GALNT13: variants seen among roughly 807,000 people sequenced by gnomAD.
The protein encoded by GALNT13 is UDP-GalNAc:polypeptide N-acetylgalactosaminyltransferase 13.
A neutral mutation model predicts 64.2 loss-of-function variants in GALNT13; 28 were observed. That is an observed-to-expected ratio of 0.44 (90% CI 0.32 to 0.60). The LOEUF (loss-of-function observed/expected upper bound fraction) is 0.60. Ranked by LOEUF, GALNT13 falls within the 20% of genes least tolerant of loss-of-function variation. GALNT13 has a pLI of 0.05. For synonymous variants in GALNT13, 214 were observed against 224.6 expected (o/e 0.95, Z 0.42); for missense variants, 577 against 669.8 (o/e 0.86, Z 1.53).
intron 11 of GALNT13, among the ~76,000 whole-genome samples, chr2:154,434,968 C>A (rs995121103): frequency 1.3e-5 from 2 of 152,156 alleles, no homozygotes; most frequent in Admixed American, 1.3e-4. Context: ...TTAATGTTAA[C>A]TTTCTCCCTG....
the GALNT13 span, among the ~76,000 whole-genome samples, chr2:153,205,080 A>G: frequency 1.3e-5 from 2 of 152,126 alleles, no homozygotes; most frequent in Non-Finnish European, 2.9e-5. Context: ...TCTGAAGGGA[A>G]CATGATACTC....
At chr2:153,982,783 ATAAAT>A (rs1694552749) in intron 3 of GALNT13, among the ~76,000 whole-genome samples, 1 of 152,052 alleles carries the variant, frequency 6.6e-6, no homozygotes, top group South Asian at 2.1e-4. Context: ...AAATTATCAA[ATAAAT>A]TTAATTTTAT....
the GALNT13 span, among the ~76,000 whole-genome samples, chr2:153,701,845 G>T: frequency 4.6e-5 from 7 of 152,180 alleles, no homozygotes; most frequent in Non-Finnish European, 1.0e-4. Flanking sequence ...TGCTGGTGAG[G>T]TTGTGGAGAA....
chr2:153,876,891 T>G (rs1281034788), intron 1 of GALNT13, among the ~76,000 whole-genome samples: 1 of 152,160 alleles, frequency 6.6e-6, no homozygotes, highest in African/African-American at 2.4e-5. Context: ...ATGCTTTTCC[T>G]TTAAGGGCTC....
At chr2:153,306,298 G>A in the GALNT13 span, among the ~76,000 whole-genome samples, 1 of 152,182 alleles carries the variant, frequency 6.6e-6, no homozygotes, top group Non-Finnish European at 1.5e-5. Flanking sequence ...GTTGAAAAAA[G>A]GTGAACTAAC....
chr2:153,628,184 T>C, the GALNT13 span, among the ~76,000 whole-genome samples: 1 of 151,968 alleles, frequency 6.6e-6, no homozygotes, highest in East Asian at 1.9e-4. Context: ...GTGATTTTTG[T>C]ACATTGATTT....
At chr2:154,169,027 AAG>A (rs920749368) in intron 4 of GALNT13, among the ~76,000 whole-genome samples, 10 of 151,938 alleles carry the variant, frequency 6.6e-5, no homozygotes, top group Admixed American at 5.9e-4. Context: ...CAGAAAAGAC[AAG>A]AGAGAGAGAC....
the GALNT13 span, among the ~76,000 whole-genome samples, chr2:153,311,127 A>G: frequency 1.3e-5 from 2 of 152,224 alleles, no homozygotes; most frequent in Admixed American, 6.5e-5. Context: ...AATTTTAAAC[A>G]ATGTAATTTT....
chr2:154,262,899 TG>T (rs1289012741), intron 8 of GALNT13, among the ~76,000 whole-genome samples: 1 of 152,122 alleles, frequency 6.6e-6, no homozygotes, highest in African/African-American at 2.4e-5. Flanking sequence ...AAGAAAATTA[TG>T]AATTACCATC....
At chr2:154,151,978 GT>G (rs1684059323) in intron 4 of GALNT13, among the ~76,000 whole-genome samples, 1 of 152,098 alleles carries the variant, frequency 6.6e-6, no homozygotes, top group African/African-American at 2.4e-5. Context: ...TCATTTTGAT[GT>G]TAGCTGGTTA....
the GALNT13 span, among the ~76,000 whole-genome samples, chr2:153,260,832 A>G: frequency 6.6e-6 from 1 of 152,038 alleles, no homozygotes; most frequent in African/African-American, 2.4e-5. Flanking sequence ...TAGCTCTTGG[A>G]TTTGCCCTTT....
the GALNT13 span, among the ~76,000 whole-genome samples, chr2:153,148,828 T>C: frequency 1.3e-5 from 2 of 151,834 alleles, no homozygotes; most frequent in Non-Finnish European, 2.9e-5. Flanking sequence ...CAAAATAATA[T>C]AAAAGCAAAC....
At chr2:154,279,830 T>C (rs1481389345) in intron 8 of GALNT13, among the ~76,000 whole-genome samples, 5 of 152,138 alleles carry the variant, frequency 3.3e-5, no homozygotes, top group Admixed American at 1.3e-4. Flanking sequence ...AAGTAGAGTA[T>C]TAATTTCCTT....
the GALNT13 span, among the ~76,000 whole-genome samples, chr2:153,673,318 T>C: frequency 6.6e-6 from 1 of 152,110 alleles, no homozygotes; most frequent in African/African-American, 2.4e-5. Flanking sequence ...AATAAAATAC[T>C]GGCAAAACAA....
At chr2:154,029,667 T>C (rs1362541404) in intron 3 of GALNT13, among the ~76,000 whole-genome samples, 1 of 152,086 alleles carries the variant, frequency 6.6e-6, no homozygotes, top group African/African-American at 2.4e-5. Flanking sequence ...ACAAGACGTG[T>C]ACAATGGCAA....
chr2:153,990,887 A>G (rs527257346), intron 3 of GALNT13, among the ~76,000 whole-genome samples: 2 of 152,320 alleles, frequency 1.3e-5, no homozygotes, highest in East Asian at 1.9e-4. Flanking sequence ...ATTGAAACAC[A>G]AAATTAGCTA....
chr2:153,318,652 C>T, the GALNT13 span, among the ~76,000 whole-genome samples: 1 of 152,260 alleles, frequency 6.6e-6, no homozygotes, highest in Admixed American at 6.5e-5. Context: ...TCAGATGTAG[C>T]CTTGGACTAG....
chr2:153,518,943 A>G, the GALNT13 span, among the ~76,000 whole-genome samples: 1 of 152,200 alleles, frequency 6.6e-6, no homozygotes, highest in East Asian at 1.9e-4. Flanking sequence ...AAAAGGGTGC[A>G]TAAGACATAT....
At chr2:153,385,756 A>G in the GALNT13 span, among the ~76,000 whole-genome samples, 1 of 151,984 alleles carries the variant, frequency 6.6e-6, no homozygotes, top group African/African-American at 2.4e-5. Context: ...GAGGAGATGG[A>G]CACCCCATTC....
Sources: allele counts gnomAD v4.1 joint callset (sites outside exome capture counted in the v4.1 genomes callset), GRCh38; gene constraint gnomAD v4.1.1; transcripts MANE v1.5; gene names NCBI Gene and HGNC (gene_info 2026-07-23, HGNC 2026-07-21).